AGBL1: variants seen among roughly 807,000 people sequenced by gnomAD.
The protein encoded by AGBL1 is cytosolic carboxypeptidase 4.
In AGBL1, 130 loss-of-function variants were observed where a neutral mutation model predicts 118.9. The ratio of observed to expected loss-of-function variants is 1.09; its 90% CI spans 0.95 to 1.26. AGBL1 has a LOEUF of 1.26. Ranked by LOEUF, AGBL1 falls within the 50% of genes most tolerant of loss-of-function variation. AGBL1 has a pLI of 0.00. For synonymous variants in AGBL1, 555 were observed against 478.9 expected, an observed-to-expected ratio of 1.16 and a Z score of -2.08; for missense variants, 1,584 against 1,298.1, an observed-to-expected ratio of 1.22 and a Z score of -3.38.
intron 22 of AGBL1, among the ~76,000 whole-genome samples, chr15:86,811,980 A>G (rs553332522): frequency 6.6e-6 from 1 of 152,216 alleles, no homozygotes; most frequent in African/African-American, 2.4e-5. Context: ...TGCCTATCTC[A>G]CTCACTTTTC....
At chr15:86,555,001 T>C (rs2083712819) in intron 21 of AGBL1, among the ~76,000 whole-genome samples, 1 of 152,204 alleles carries the variant, frequency 6.6e-6, no homozygotes, top group African/African-American at 2.4e-5. Flanking sequence ...CTCTTTGTTA[T>C]CCTGCTGTCT....
chr15:86,359,941 C>T (rs140419183), intron 17 of AGBL1, among the ~76,000 whole-genome samples: 2 of 151,756 alleles, frequency 1.3e-5, no homozygotes, highest in African/African-American at 2.4e-5. Flanking sequence ...AGGTTTTTTG[C>T]TGAATGTTTA....
chr15:86,256,429 C>CTT (rs2078896158), intron 7 of AGBL1, among the ~76,000 whole-genome samples: 1 of 152,218 alleles, frequency 6.6e-6, no homozygotes, highest in Non-Finnish European at 1.5e-5. Flanking sequence ...AAAAGCAAAA[C>CTT]TTCCATCAAT....
chr15:86,624,097 G>T (rs1379171791), intron 21 of AGBL1, among the ~76,000 whole-genome samples: 1 of 152,214 alleles, frequency 6.6e-6, no homozygotes, highest in Admixed American at 6.5e-5. Context: ...AGCATGGAAA[G>T]TCAAAGAAGC....
At position 86,897,237 on chromosome 15, in the gene AGBL1, A is replaced by C. The variant is rs947952931; in HGVS notation, c.3159-9850A>C. 6.6e-5 allele frequency among the ~76,000 whole-genome samples: 10 copies of C among 152,258 alleles called. No individual in the cohort carries two copies. The South Asian group carries it at 8.3e-4, about 13-fold the overall frequency. ...TGCTATAGTGCCTTACATGTTTCTCAGCTCCAAGCACCCTCTTTGACATAG... is the reference window on the plus strand; with the variant it reads ...TGCTATAGTGCCTTACATGTTTCTCCGCTCCAAGCACCCTCTTTGACATAG... On this transcript the variant is annotated intron_variant, in intron 22 of 22. Coordinates refer to ENST00000614907, the MANE Select transcript of AGBL1 (RefSeq NM_001386094.1).
chr15:86,275,056 G>A (rs766515293), intron 15 of AGBL1, among the ~76,000 whole-genome samples: 1 of 152,068 alleles, frequency 6.6e-6, no homozygotes, highest in Non-Finnish European at 1.5e-5. Flanking sequence ...GTAAGCAAGG[G>A]CCCTTTTAGT....
At chr15:86,723,938 C>T (rs556812250) in intron 22 of AGBL1, among the ~76,000 whole-genome samples, 167 of 151,966 alleles carry the variant, frequency 1.1e-3, no homozygotes, top group Non-Finnish European at 1.8e-3. Context: ...ATGACTAAAT[C>T]AAAAGGTGTT....
At chr15:87,003,997 C>T (rs62031589) in intron 24 of AGBL1, among the ~76,000 whole-genome samples, 19,371 of 151,904 alleles carry the variant, frequency 0.13, 1,291 homozygotes, top group East Asian at 0.15. Context: ...TTATTTCTTG[C>T]CTTCTGCTAG....
intron 18 of AGBL1, among the ~76,000 whole-genome samples, chr15:86,435,852 G>C (rs976928574): frequency 3.3e-5 from 5 of 152,010 alleles, no homozygotes; most frequent in African/African-American, 1.2e-4. Context: ...TATAATAAAG[G>C]CTCAATACAT....
intron 5 of AGBL1, among the ~76,000 whole-genome samples, chr15:86,160,469 T>C (rs2077252281): frequency 6.6e-6 from 1 of 152,158 alleles, no homozygotes; most frequent in Non-Finnish European, 1.5e-5. Flanking sequence ...TAAGAAGCCA[T>C]GGTAGTGCTG....
At chr15:86,333,990 A>G (rs1271847285) in intron 17 of AGBL1, among the ~76,000 whole-genome samples, 1 of 152,204 alleles carries the variant, frequency 6.6e-6, no homozygotes, top group Non-Finnish European at 1.5e-5. Flanking sequence ...TCCTTTCATA[A>G]TGAAACTCTA....
intron 22 of AGBL1, among the ~76,000 whole-genome samples, chr15:86,843,570 C>T (rs1488063875): frequency 2.0e-5 from 3 of 152,062 alleles, no homozygotes; most frequent in Non-Finnish European, 4.4e-5. Context: ...GAAGGAGGTA[C>T]TGCAAACATT....
intron 18 of AGBL1, among the ~76,000 whole-genome samples, chr15:86,505,875 T>A (rs944472599): frequency 1.3e-5 from 2 of 152,028 alleles, no homozygotes; most frequent in East Asian, 3.9e-4. Flanking sequence ...AAAGTAGAAA[T>A]TTTAAATACA....
chr15:86,522,659 C>T (rs2083204436), intron 18 of AGBL1, 151 bp from the exon 19 acceptor site: 1 of 972,102 alleles, frequency 1.0e-6, no homozygotes, highest in Non-Finnish European at 1.5e-6. Context: ...AGATCTACAG[C>T]TTTCTAGACA....
chr15:86,133,414 C>T (rs1055952578), intron 1 of AGBL1, among the ~76,000 whole-genome samples: 3 of 152,174 alleles, frequency 2.0e-5, no homozygotes, highest in Non-Finnish European at 4.4e-5. Context: ...ATTTTATGCT[C>T]ACATGTCACA....
intron 21 of AGBL1, among the ~76,000 whole-genome samples, chr15:86,636,158 G>T (rs566629620): frequency 3.3e-5 from 5 of 152,124 alleles, no homozygotes; most frequent in South Asian, 2.1e-4. Context: ...TGGCAGTATC[G>T]GAGAGGGGAG....
intron 16 of AGBL1, among the ~76,000 whole-genome samples, chr15:86,286,463 C>T (rs1158260952): frequency 6.6e-6 from 1 of 151,932 alleles, no homozygotes; most frequent in Admixed American, 6.6e-5. Flanking sequence ...TCCATTCCTC[C>T]CCCTTGTTCC....
chr15:86,270,018 C>T lies in AGBL1; in HGVS notation c.1938C>T (p.Tyr646=), dbSNP rs2079133740. ...GCGGTATGCAGGCGGCCATCCCTTA[C>T]CACTTCAACATCATCAACTGTGAGA... ...KVSGMQAAIP[Y]HFNIINCEKP... The change falls in exon 14 of 23, where the codon TAC becomes TAT. Residue 646 remains tyrosine, a synonymous_variant. Transcript: ENST00000614907. The T allele has an allele frequency of 1.9e-6, 3 of 1,613,230 alleles. No individual in the cohort carries two copies. The highest frequency in any genetic ancestry group is 1.7e-5 in the Admixed American group (1 of 59,904).
chr15:86,812,322 G>A (rs2078800881), intron 22 of AGBL1, among the ~76,000 whole-genome samples: 2 of 152,124 alleles, frequency 1.3e-5, no homozygotes, highest in Non-Finnish European at 2.9e-5. Context: ...GAATGATTCA[G>A]TCAAGCTATG....
Sources: gnomAD v4.1 joint callset for allele counts (sites outside exome capture counted in the v4.1 genomes callset) on GRCh38, gnomAD v4.1.1 for gene constraint, MANE v1.5 for transcripts, NCBI Gene and HGNC (gene_info 2026-07-23, HGNC 2026-07-21) for gene names.